The following HPSE2 variants were observed in gnomAD, a reference collection of about 807,000 sequenced individuals.
The protein encoded by HPSE2 is heparanase 2 (inactive).
Under a neutral mutation model 60.5 loss-of-function variants are expected in HPSE2, and 38 were observed. The ratio of observed to expected loss-of-function variants is 0.63; its 90% confidence interval spans 0.48 to 0.82. The LOEUF is 0.82. HPSE2 is among the 40% of genes least tolerant of loss of function. The pLI, the probability that HPSE2 is intolerant of heterozygous loss-of-function variation, is 0.00. For synonymous variants in HPSE2, 295 were observed against 293.2 expected (o/e 1.01, Z -0.06); for missense variants, 713 against 740.4 (o/e 0.96, Z 0.43).
intron 3 of HPSE2, among the ~76,000 whole-genome samples, chr10:99,100,060 C>A (rs1269511330): frequency 6.6e-6 from 1 of 152,170 alleles, no homozygotes; most frequent in Non-Finnish European, 1.5e-5. Context: ...AGCAGAAAAG[C>A]TGAAAATTCT....
At chr10:99,206,568 A>G (rs946074113) in intron 2 of HPSE2, among the ~76,000 whole-genome samples, 3 of 151,990 alleles carry the variant, frequency 2.0e-5, no homozygotes, top group African/African-American at 2.4e-5. Flanking sequence ...CTCAAAAAAA[A>G]AAAAAAAAAG....
intron 3 of HPSE2, among the ~76,000 whole-genome samples, chr10:98,949,699 A>G (rs1955298142): frequency 6.6e-6 from 1 of 152,190 alleles, no homozygotes; most frequent in African/African-American, 2.4e-5. Context: ...ATAAAAAGTC[A>G]TGCCTAATAT....
At chr10:98,496,176 T>G (rs1015956388) in intron 9 of HPSE2, among the ~76,000 whole-genome samples, 5 of 152,156 alleles carry the variant, frequency 3.3e-5, no homozygotes, top group Admixed American at 3.3e-4. Context: ...AGCCTGCACC[T>G]TTTCTTGGGT....
chr10:98,757,775 T>G (rs1177152643), intron 3 of HPSE2, among the ~76,000 whole-genome samples: 1 of 152,098 alleles, frequency 6.6e-6, no homozygotes, highest in African/African-American at 2.4e-5. Context: ...CCAAAGCAAT[T>G]TACAGATCCA....
intron 9 of HPSE2, among the ~76,000 whole-genome samples, chr10:98,530,205 C>T (rs376773014): frequency 3.8e-4 from 58 of 152,216 alleles, no homozygotes; most frequent in Non-Finnish European, 6.9e-4. Context: ...GTGGGGTTTG[C>T]GCTCTCTCCT....
intron 7 of HPSE2, among the ~76,000 whole-genome samples, chr10:98,629,998 C>T (rs915971174): frequency 2.0e-5 from 3 of 152,012 alleles, no homozygotes; most frequent in Admixed American, 1.3e-4. Context: ...ATTTTAGACA[C>T]GATAAAATAA....
At chr10:98,549,795 G>A (rs1365186231) in intron 9 of HPSE2, among the ~76,000 whole-genome samples, 2 of 151,746 alleles carry the variant, frequency 1.3e-5, no homozygotes, top group African/African-American at 2.4e-5. Flanking sequence ...TCCATGACTC[G>A]CTTCCTACAT....
chr10:99,185,033 T>C lies in HPSE2; in HGVS notation c.449-40634A>G, dbSNP rs1008626886. 2.0e-4 allele frequency among the ~76,000 whole-genome samples: 31 copies of C among 151,388 alleles called. 1 individual carries two copies. Among genetic ancestry groups the C allele is most frequent in the Admixed American group, 1.1e-3 (17 of 15,196 alleles). On this transcript the variant is annotated intron_variant, in intron 2 of 11. Coordinates refer to ENST00000370552, the MANE Select transcript of HPSE2 (RefSeq NM_021828.5). ...CTTCTAAATTGGCTGGGTGCAGTGCTTCACACCTGTAATCCCAGCACTTTG... is the reference window on the plus strand; with the variant it reads ...CTTCTAAATTGGCTGGGTGCAGTGCCTCACACCTGTAATCCCAGCACTTTG...
At chr10:99,302,223 G>C in the HPSE2 span, among the ~76,000 whole-genome samples, 1 of 152,066 alleles carries the variant, frequency 6.6e-6, no homozygotes, top group Non-Finnish European at 1.5e-5. Context: ...ATTAGGAAAA[G>C]ACTTAAGAGT....
chr10:99,230,162 A>C (rs12573571), intron 2 of HPSE2, among the ~76,000 whole-genome samples: 3,113 of 152,340 alleles, frequency 0.02, 114 homozygotes, highest in East Asian at 0.16. Flanking sequence ...GTCTGGAAGG[A>C]CTGACTTTAA....
At chr10:98,896,803 T>A (rs1953504752) in intron 3 of HPSE2, among the ~76,000 whole-genome samples, 1 of 152,084 alleles carries the variant, frequency 6.6e-6, no homozygotes, top group South Asian at 2.1e-4. Flanking sequence ...AAAAGGATAA[T>A]AATGGAATGC....
chr10:99,233,791 C>G, intron 1 of HPSE2, among the ~76,000 whole-genome samples: 1 of 152,154 alleles, frequency 6.6e-6, no homozygotes. Flanking sequence ...CAGGCACAGT[C>G]AGGGCGTCGC....
intron 2 of HPSE2, among the ~76,000 whole-genome samples, chr10:99,165,782 T>C (rs773943591): frequency 1.3e-5 from 2 of 151,986 alleles, no homozygotes; most frequent in Non-Finnish European, 2.9e-5. Context: ...CCTGACCTGA[T>C]CTGCCCACCT....
At chr10:98,545,433 G>A (rs1460725117) in intron 9 of HPSE2, among the ~76,000 whole-genome samples, 3 of 152,162 alleles carry the variant, frequency 2.0e-5, no homozygotes, top group Non-Finnish European at 4.4e-5. Context: ...GAATCCAGCA[G>A]CACATCAAAA....
chr10:98,544,467 T>C (rs1013322192), intron 9 of HPSE2, among the ~76,000 whole-genome samples: 54 of 151,538 alleles, frequency 3.6e-4, no homozygotes, highest in African/African-American at 1.2e-3. Flanking sequence ...TCCCAGCACT[T>C]TGGGAGGCCG....
chr10:98,854,594 G>A (rs190675457), intron 3 of HPSE2, among the ~76,000 whole-genome samples: 3 of 152,282 alleles, frequency 2.0e-5, no homozygotes, highest in East Asian at 3.9e-4. Context: ...CAGCTAGGGG[G>A]ACACGGGGAA....
intron 3 of HPSE2, among the ~76,000 whole-genome samples, chr10:99,097,335 A>C (rs1275276702): frequency 6.6e-6 from 1 of 152,234 alleles, no homozygotes; most frequent in Non-Finnish European, 1.5e-5. Flanking sequence ...AGTCCCTACA[A>C]AGCTAAAAAG....
chr10:99,280,469 A>T, the HPSE2 span, among the ~76,000 whole-genome samples: 4 of 152,206 alleles, frequency 2.6e-5, no homozygotes, highest in Admixed American at 2.6e-4. Flanking sequence ...ATTCATATGC[A>T]TTCCCAAATA....
chr10:99,184,819 T>TATATATATATATAGAG (rs1554912295), intron 2 of HPSE2, among the ~76,000 whole-genome samples: 2 of 19,864 alleles, frequency 1.0e-4, no homozygotes, highest in South Asian at 2.3e-3. Context: ...TATATATATA[T>TATATATATATATAGAG]AGAGAGAGAG....
Sources: gnomAD v4.1 joint callset for allele counts (sites outside exome capture counted in the v4.1 genomes callset) on GRCh38, gnomAD v4.1.1 for gene constraint, MANE v1.5 for transcripts, NCBI Gene and HGNC (gene_info 2026-07-23, HGNC 2026-07-21) for gene names.